CAP2: variants seen among roughly 807,000 people sequenced by gnomAD.
CAP2 encodes the protein cyclase associated actin cytoskeleton regulatory protein 2.
CAP2 carries 24 observed loss-of-function variants against 57.7 expected under a neutral mutation model. The observed-to-expected ratio is 0.42, with a 90% CI of 0.30 to 0.58. CAP2 has a LOEUF of 0.58. Among genes scored for constraint, CAP2 ranks in the 20% least tolerant of loss-of-function variants. The probability of loss-of-function intolerance (pLI) is 0.22; values close to 1 mark genes in which losing one functional copy is unlikely to be tolerated. For missense variants in CAP2, 501 were observed against 590.3 expected, an observed-to-expected ratio of 0.85 and a Z score of 1.57; for synonymous variants, 194 against 207.2, an observed-to-expected ratio of 0.94 and a Z score of 0.55.
chr6:17,434,314 C>T lies in CAP2; in HGVS notation c.222+7624C>T, dbSNP rs1169692944. Reference sequence around the variant, plus strand: ...TGCAATCTCAGATCACTGCAACCTCCGCCTCCCAGGTTCAAGCAATTGGCC... The same window carrying T: ...TGCAATCTCAGATCACTGCAACCTCTGCCTCCCAGGTTCAAGCAATTGGCC... On this transcript the variant is annotated intron_variant, in intron 3 of 12. Transcript: ENST00000229922. Among the ~76,000 whole-genome samples the T allele has an allele frequency of 1.1e-4, 16 of 151,126 alleles. 1 individual carries two copies. Among genetic ancestry groups the T allele is most frequent in the African/African-American group, 3.7e-4 (15 of 40,894 alleles).
intron 3 of CAP2, among the ~76,000 whole-genome samples, chr6:17,453,479 C>T (rs1386081865): frequency 2.0e-5 from 3 of 152,170 alleles, no homozygotes; most frequent in Non-Finnish European, 4.4e-5. Context: ...TGAGCCCTCA[C>T]CAGTAAAGTC....
chr6:17,406,394 A>ATTTTTTTTTTTTTTTTTTTTTTT (rs1335180213), intron 1 of CAP2, among the ~76,000 whole-genome samples: 5 of 91,908 alleles, frequency 5.4e-5, no homozygotes, highest in African/African-American at 2.4e-4. Flanking sequence ...GTAAGCCCAG[A>ATTTTTTTTTTTTTTTTTTTTTTT]TTTCTTTTTT....
intron 4 of CAP2, among the ~76,000 whole-genome samples, chr6:17,475,335 T>G (rs1761126231): frequency 6.6e-6 from 1 of 152,222 alleles, no homozygotes; most frequent in South Asian, 2.1e-4. Flanking sequence ...GAGGTGTATT[T>G]GGTAAGGACT....
intron 3 of CAP2, among the ~76,000 whole-genome samples, chr6:17,434,235 C>CT (rs113654321): frequency 0.072 from 10,068 of 139,016 alleles, 1,134 homozygotes; most frequent in African/African-American, 0.24. Context: ...TTTTTTCTTT[C>CT]TTTTTTTTTT....
At chr6:17,468,062 C>T (rs1760916032) in intron 4 of CAP2, among the ~76,000 whole-genome samples, 1 of 152,062 alleles carries the variant, frequency 6.6e-6, no homozygotes, top group African/African-American at 2.4e-5. Context: ...TGAGAACATG[C>T]AATGTTTGCC....
chr6:17,532,430 C>T (rs138491886), intron 7 of CAP2, among the ~76,000 whole-genome samples: 138 of 149,824 alleles, frequency 9.2e-4, no homozygotes, highest in African/African-American at 3.2e-3. Context: ...CGTGAGCCAC[C>T]GCGCCCAGCT....
chr6:17,455,817 G>C (rs1013392725), intron 3 of CAP2, among the ~76,000 whole-genome samples: 4 of 152,136 alleles, frequency 2.6e-5, no homozygotes, highest in African/African-American at 9.7e-5. Flanking sequence ...TTACAGGCGT[G>C]AGCCACCGCG....
intron 4 of CAP2, among the ~76,000 whole-genome samples, chr6:17,496,194 T>C (rs1236079374): frequency 6.6e-6 from 1 of 152,148 alleles, no homozygotes; most frequent in Non-Finnish European, 1.5e-5. Flanking sequence ...CCCACAGGCC[T>C]CTTATAGCAG....
chr6:17,497,424 A>G (rs1356791734), intron 4 of CAP2, among the ~76,000 whole-genome samples: 49 of 152,254 alleles, frequency 3.2e-4, no homozygotes, highest in Admixed American at 3.2e-3. Context: ...TAAGAACAAA[A>G]TACAAAATGA....
At chr6:17,409,045 C>T (rs1759066705) in intron 1 of CAP2, among the ~76,000 whole-genome samples, 1 of 150,900 alleles carries the variant, frequency 6.6e-6, no homozygotes, top group South Asian at 2.1e-4. Context: ...GGTGATTTTG[C>T]AGTGTGCTTG....
intron 3 of CAP2, among the ~76,000 whole-genome samples, chr6:17,437,128 A>T (rs1759915227): frequency 6.6e-6 from 1 of 152,164 alleles, no homozygotes; most frequent in Non-Finnish European, 1.5e-5. Flanking sequence ...TATATATTAC[A>T]ATATAATAAT....
intron 4 of CAP2, 144 bp downstream of exon 4, chr6:17,463,217 T>C: frequency 1.6e-6 from 1 of 618,722 alleles, no homozygotes; most frequent in Non-Finnish European, 2.9e-6. Flanking sequence ...CTAATCTGGA[T>C]CATGGTATAG....
intron 7 of CAP2, among the ~76,000 whole-genome samples, chr6:17,528,285 A>G (rs1762558383): frequency 6.6e-6 from 1 of 152,248 alleles, no homozygotes; most frequent in Admixed American, 6.5e-5. Context: ...GGTTTATGGG[A>G]CGAAACCCCA....
intron 12 of CAP2, among the ~76,000 whole-genome samples, chr6:17,555,361 A>AT (rs553412899): frequency 6.6e-6 from 1 of 150,560 alleles, no homozygotes; most frequent in East Asian, 2.0e-4. Flanking sequence ...CGCCCGGCTA[A>AT]TTTTGTATTT....
intron 4 of CAP2, among the ~76,000 whole-genome samples, chr6:17,502,015 C>A (rs1687420740): frequency 6.6e-6 from 1 of 152,148 alleles, no homozygotes; most frequent in African/African-American, 2.4e-5. Flanking sequence ...ATCAAAGAAA[C>A]CTCAGTGAGA....
Position 17,539,454 on chromosome 6 carries a change from A to C in CAP2, c.822A>C (p.Thr274=), listed in dbSNP as rs1468270734. ...AACTTAACCAGGGAGAAGCAATTAC[A>C]AAAGGTGAGAGAGAAAAGAAGACCT... ...FAQLNQGEAI[T]KGLRHVTDDQ... The change falls in exon 8 of 13, where the codon ACA becomes ACC. Residue 274 remains threonine, a synonymous_variant. Coordinates refer to ENST00000229922, the MANE Select transcript of CAP2 (RefSeq NM_006366.3). The C allele has an allele frequency of 6.2e-7, 1 of 1,612,838 alleles. No homozygotes were observed. The highest frequency in any genetic ancestry group is 1.3e-5 in the African/African-American group (1 of 74,912).
In CAP2 at chr6:17,537,444, T is replaced by C. The variant is rs1016254145; in HGVS notation, c.637-1825T>C. On this transcript the variant is annotated intron_variant, in intron 7 of 12. Coordinates refer to ENST00000229922, the MANE Select transcript of CAP2 (RefSeq NM_006366.3). ...TCAAGTGATCCAAGCGATCTACCCT[T>C]CTCGGCTTCCCAAAGTGCTAGGATT... Among the ~76,000 whole-genome samples, 3 of 152,110 alleles carry C rather than the reference T, an allele frequency of 2.0e-5. No homozygotes were observed. The East Asian group carries it at 5.8e-4, about 29-fold the overall frequency.
At chr6:17,448,028 A>G (rs963573839) in intron 3 of CAP2, among the ~76,000 whole-genome samples, 2 of 152,230 alleles carry the variant, frequency 1.3e-5, no homozygotes, top group Non-Finnish European at 2.9e-5. Context: ...CCTTCTATAT[A>G]GGCACCTACT....
At chr6:17,432,953 C>T (rs919518687) in intron 3 of CAP2, among the ~76,000 whole-genome samples, 1 of 146,330 alleles carries the variant, frequency 6.8e-6, no homozygotes, top group African/African-American at 2.6e-5. Flanking sequence ...CCCTCCCTCC[C>T]TCCCTCTCTC....
Sources: gnomAD v4.1 joint callset for allele counts (sites outside exome capture counted in the v4.1 genomes callset) on GRCh38, gnomAD v4.1.1 for gene constraint, MANE v1.5 for transcripts, NCBI Gene and HGNC (gene_info 2026-07-23, HGNC 2026-07-21) for gene names.